The following NUDT13 variants were observed in gnomAD, a reference collection of about 807,000 sequenced individuals.
The protein encoded by NUDT13 is NAD(P)H pyrophosphatase NUDT13, mitochondrial.
NUDT13 carries 40 observed loss-of-function variants against 41.7 expected under a neutral mutation model. That is an observed-to-expected ratio of 0.96 (90% CI 0.75 to 1.25). The LOEUF (loss-of-function observed/expected upper bound fraction) is 1.25. Ranked by LOEUF, NUDT13 falls within the 50% of genes most tolerant of loss-of-function variation. NUDT13 has a pLI of 0.00. For synonymous variants in NUDT13, 145 were observed against 155.5 expected, an observed-to-expected ratio of 0.93 and a Z score of 0.50; for missense variants, 390 against 416.1, an observed-to-expected ratio of 0.94 and a Z score of 0.55.
chr10:73,128,707 T>C (rs960677156), intron 8 of NUDT13, among the ~76,000 whole-genome samples: 4 of 152,222 alleles, frequency 2.6e-5, no homozygotes, highest in Admixed American at 6.5e-5. Flanking sequence ...ACTCTGTTGA[T>C]TGATTCCCTG....
At position 73,120,002 on chromosome 10, in the gene NUDT13, T is replaced by A; in HGVS notation, c.84-16T>A. On this transcript the variant is annotated splice_polypyrimidine_tract_variant and intron_variant, in intron 2 of 8. Transcript: ENST00000357321. ...AAGGGTGGTTTTGTAATGGTTTGAT[T>A]ATTTCCCAAATACAGGTATTTATTT... 1 of 1,607,862 alleles carries A rather than the reference T, an allele frequency of 6.2e-7. No individual in the cohort carries two copies. Among genetic ancestry groups the A allele is most frequent in the Non-Finnish European group, 8.5e-7 (1 of 1,179,666 alleles).
intron 4 of NUDT13, 40 bp from the exon 5 acceptor site, chr10:73,124,174 T>C (rs1278639786): frequency 2.1e-6 from 3 of 1,419,908 alleles, no homozygotes; most frequent in Non-Finnish European, 3.0e-6. Flanking sequence ...GAGGCAAAGT[T>C]TGTCATTGTT....
rs531569543 is a variant in NUDT13 at position 73,121,942 on chromosome 10, G to A, written c.224-233G>A. On this transcript the variant is annotated intron_variant, in intron 3 of 8. Coordinates refer to ENST00000357321, the MANE Select transcript of NUDT13 (RefSeq NM_015901.6). ...TGATACAGTCATAGAGTAATACAAT[G>A]TTATACAAGAATTCCTTCTTTGGTC... 3.3e-5 allele frequency among the ~76,000 whole-genome samples: 5 copies of A among 152,212 alleles called. No homozygotes were observed. In the South Asian group the frequency reaches 1.0e-3, roughly 32 times the overall value.
At chr10:73,122,333 GT>G (rs1842665168) in intron 4 of NUDT13, 24 bp downstream of exon 4, 1 of 1,591,936 alleles carries the variant, frequency 6.3e-7, no homozygotes, top group African/African-American at 1.4e-5. Flanking sequence ...TTCCTAACGG[GT>G]ACTTCCCAGT....
Position 73,122,303 on chromosome 10 carries a change from A to G in NUDT13, c.352A>G (p.Ile118Val), listed in dbSNP as rs367862250. The G allele has an allele frequency of 1.4e-5, 22 of 1,613,158 alleles. No homozygotes were observed. The highest frequency in any genetic ancestry group is 1.1e-4 in the African/African-American group (8 of 74,888). The change falls in exon 4 of 9, where the codon ATA (isoleucine) becomes GTA (valine). Residue 118 changes from isoleucine (I) to valine (V), a missense_variant. Coordinates refer to ENST00000357321, the MANE Select transcript of NUDT13 (RefSeq NM_015901.6). ...LDLGLDSSFS[I>V]SASLHKPEME... ...TCTAGGTCTGGATAGCTCCTTTTCC[A>G]TAAGTGGTACATGACATTATTCCTA...
chr10:73,112,912 C>G (rs940207218), intron 1 of NUDT13, among the ~76,000 whole-genome samples: 2 of 151,182 alleles, frequency 1.3e-5, no homozygotes, highest in Non-Finnish European at 2.9e-5. Flanking sequence ...TTTAAGACGA[C>G]GTTTTGCTCT....
chr10:73,125,428 G>A lies in NUDT13; in HGVS notation c.622G>A (p.Asp208Asn). The A allele has an allele frequency of 1.2e-6, 2 of 1,613,556 alleles. No homozygotes were observed. The highest frequency in any genetic ancestry group is 8.5e-7 in the Non-Finnish European group (1 of 1,179,802). Residue 208 changes from aspartate to asparagine, a missense_variant, in exon 7 of 9, where the codon GAT (aspartate) becomes AAT (asparagine). Asp to Asn is a conservative substitution (Grantham distance 23, BLOSUM62 1). Coordinates refer to ENST00000357321, the MANE Select transcript of NUDT13 (RefSeq NM_015901.6). ...TCCTGTGGCGATCACGCTGGTGTCAGATGGGACCCGATGCCTGCTTGCCCG... is the reference window on the plus strand; with the variant it reads ...TCCTGTGGCGATCACGCTGGTGTCAAATGGGACCCGATGCCTGCTTGCCCG... ...MAPVAITLVS[D>N]GTRCLLARQS... is the part of the protein sequence containing the mutation.
chr10:73,130,670 A>C, intron 8 of NUDT13, 33 bp from the exon 9 acceptor site: 1 of 1,581,358 alleles, frequency 6.3e-7, no homozygotes, highest in Non-Finnish European at 8.7e-7. Flanking sequence ...GTAGCTCCTG[A>C]CCTTACATCC....
rs774876947 is a variant in NUDT13, at chr10:73,125,479, T to A, written c.673T>A (p.Tyr225Asn). Residue 225 changes from tyrosine (Y) to asparagine (N), a missense_variant, in exon 7 of 9, where the codon TAT becomes AAT. Coordinates refer to ENST00000357321, the MANE Select transcript of NUDT13 (RefSeq NM_015901.6). ...ARQSSFPKGM[Y>N]SALAGFCDIG... Reference sequence around the variant, plus strand: ...CCAAAGCTCCTTTCCCAAGGGAATGTATTCTGCCTTGGCAGGTTTTTGTGA... The same window carrying A: ...CCAAAGCTCCTTTCCCAAGGGAATGAATTCTGCCTTGGCAGGTTTTTGTGA... 3 of 1,608,438 alleles carry A rather than the reference T, an allele frequency of 1.9e-6. No individual in the cohort carries two copies. The highest frequency in any genetic ancestry group is 2.7e-5 in the African/African-American group (2 of 74,782).
intron 3 of NUDT13, among the ~76,000 whole-genome samples, chr10:73,121,143 G>A (rs1842637511): frequency 6.6e-6 from 1 of 152,190 alleles, no homozygotes; most frequent in South Asian, 2.1e-4. Flanking sequence ...GGAGGCTGAG[G>A]TGGGTGGATT....
chr10:73,114,250 A>G, intron 1 of NUDT13, 107 bp from the exon 2 acceptor site: 1 of 450,442 alleles, frequency 2.2e-6, no homozygotes, highest in East Asian at 3.5e-5. Flanking sequence ...TTTCCTTAAT[A>G]TTACAGAGTG....
Position 73,123,649 on chromosome 10 carries a change from A to T in NUDT13, c.359-565A>T, listed in dbSNP as rs559550459. Among the ~76,000 whole-genome samples the T allele has an allele frequency of 3.3e-5, 5 of 152,088 alleles. No homozygotes were observed. The East Asian group carries it at 7.7e-4, about 24-fold the overall frequency. ...TAGGGGCTTGAGAATCTTGCTTTTT[A>T]AAAAAATTTTATGTATATATTTATT... On this transcript the variant is annotated intron_variant, in intron 4 of 8. Transcript: ENST00000357321.
In NUDT13 at chr10:73,124,261, A is replaced by T. The variant is rs1842719741; in HGVS notation, c.406A>T (p.Ile136Phe). Reference protein sequence around the residue: ...EMETELKGSFIELRKALFQLN... With the variant: ...EMETELKGSFFELRKALFQLN... ...GGAGACAGAGCTCAAGGGGTCTTTC[A>T]TTGAGCTGAGAAAGGCACTCTTTCA... is the stretch of plus-strand genomic sequence containing the variant. The change falls in exon 5 of 9, where the codon ATT becomes TTT. Residue 136 changes from isoleucine to phenylalanine, a missense_variant. Coordinates refer to ENST00000357321, the MANE Select transcript of NUDT13 (RefSeq NM_015901.6). 1.2e-6 allele frequency: 2 copies of T among 1,613,452 alleles called. No individual in the cohort carries two copies. Among genetic ancestry groups the T allele is most frequent in the Non-Finnish European group, 1.7e-6 (2 of 1,179,834 alleles).
rs143014275 is a variant in NUDT13 at position 73,115,180 on chromosome 10, A to G, written c.83+732A>G. On this transcript the variant is annotated intron_variant, in intron 2 of 8. Coordinates refer to ENST00000357321, the MANE Select transcript of NUDT13 (RefSeq NM_015901.6). ...AACCAGTAAACATCAAAAAATATAT[A>G]TTTTTACTTTTTTAGAGATGGAGTC... The G allele has an allele frequency of 2.6e-5, 4 of 152,028 alleles. No homozygotes were observed. In the East Asian group the frequency reaches 5.8e-4, roughly 22 times the overall value. 9.4% of individuals were successfully genotyped at this position (152,028 alleles called of 1,614,324 possible). A position where few individuals can be genotyped will look rare whatever the true frequency, so the allele number is the denominator to read the frequency against.
Position 73,124,582 on chromosome 10 carries a change from T to C in NUDT13, c.465+262T>C, listed in dbSNP as rs1430366884. 2.7e-5 allele frequency: 11 copies of C among 404,360 alleles called. No individual in the cohort carries two copies. The Middle Eastern group carries it at 1.9e-3, about 72-fold the overall frequency. 25.0% of individuals were successfully genotyped at this position (404,360 alleles called of 1,614,324 possible). ...ATGGCAATAGGATCTGTCAGCCTCA[T>C]AAACATTTTTAATGACCCACATAGC... On this transcript the variant is annotated intron_variant, in intron 5 of 8. Transcript: ENST00000357321.
intron 6 of NUDT13, 74 bp from the exon 7 acceptor site, chr10:73,125,324 T>G: frequency 6.2e-7 from 1 of 1,603,228 alleles, no homozygotes; most frequent in Non-Finnish European, 8.5e-7. Flanking sequence ...GTGCAATTCC[T>G]TAATTATACA....
chr10:73,125,453 G>A lies in NUDT13; in HGVS notation c.647G>A (p.Arg216His), dbSNP rs374981423. Residue 216 changes from arginine (R) to histidine (H), a missense_variant, in exon 7 of 9, where the codon CGC (arginine) becomes CAC (histidine). Coordinates refer to ENST00000357321, the MANE Select transcript of NUDT13 (RefSeq NM_015901.6). The part of the protein sequence containing the change: ...VSDGTRCLLA[R>H]QSSFPKGMYS... ...GATGGGACCCGATGCCTGCTTGCCC[G>A]CCAAAGCTCCTTTCCCAAGGGAATG... 9.3e-6 allele frequency: 15 copies of A among 1,612,092 alleles called. No homozygotes were observed. Among genetic ancestry groups the A allele is most frequent in the African/African-American group, 2.7e-5 (2 of 74,886 alleles).
intron 7 of NUDT13, among the ~76,000 whole-genome samples, chr10:73,125,882 C>T (rs962290500): frequency 3.3e-5 from 5 of 151,906 alleles, no homozygotes; most frequent in Admixed American, 1.3e-4. Context: ...GACAGGGTCT[C>T]GCCGTGTTGC....
chr10:73,130,495 C>T lies in NUDT13; in HGVS notation c.859-208C>T, dbSNP rs1253651674. The T allele has an allele frequency of 1.0e-5, 4 of 387,486 alleles. No individual in the cohort carries two copies. The East Asian group carries it at 2.3e-4, about 22-fold the overall frequency. The allele number at this position is 387,486 out of a possible 1,614,324, so 24.0% of individuals were successfully genotyped here. A position where few individuals can be genotyped will look rare whatever the true frequency, so the allele number is the denominator to read the frequency against. ...AAAAATATATATATATATACACACA[C>T]ACACACACACATATAAAACTCTCAT... is the stretch of plus-strand genomic sequence containing the variant. On this transcript the variant is annotated intron_variant, in intron 8 of 8. Transcript: ENST00000357321.
Sources: allele counts gnomAD v4.1 joint callset (sites outside exome capture counted in the v4.1 genomes callset), GRCh38; gene constraint gnomAD v4.1.1; transcripts MANE v1.5; gene names NCBI Gene and HGNC (gene_info 2026-07-23, HGNC 2026-07-21).